THSD7A: variants seen among roughly 807,000 people sequenced by gnomAD.
THSD7A encodes thrombospondin type-1 domain-containing protein 7A.
THSD7A carries 96 observed loss-of-function variants against 231.3 expected under a neutral mutation model. The ratio of observed to expected loss-of-function variants is 0.41; its 90% CI spans 0.35 to 0.49. The LOEUF (loss-of-function observed/expected upper bound fraction) is 0.49, where lower values mean the gene tolerates loss of function less well. Ranked by LOEUF, THSD7A falls within the 20% of genes least tolerant of loss-of-function variation. The probability of loss-of-function intolerance (pLI) is 0.05; values close to 1 mark genes in which losing one functional copy is unlikely to be tolerated. For synonymous variants in THSD7A, 940 were observed against 743.3 expected (o/e 1.26, Z -4.30); for missense variants, 2,290 against 2,070.2 (o/e 1.11, Z -2.06).
intron 8 of THSD7A, among the ~76,000 whole-genome samples, chr7:11,472,522 G>T (rs78681591): frequency 0.14 from 21,186 of 152,138 alleles, 1,589 homozygotes; most frequent in Non-Finnish European, 0.18. Flanking sequence ...TCTAGAATTT[G>T]AGAGGTAAAG....
chr7:11,524,134 A>G (rs962757400), intron 6 of THSD7A, among the ~76,000 whole-genome samples: 3 of 152,118 alleles, frequency 2.0e-5, no homozygotes, highest in African/African-American at 7.2e-5. Context: ...ATGTTCTTAT[A>G]TGTTTAGTAA....
intron 1 of THSD7A, among the ~76,000 whole-genome samples, chr7:11,639,054 T>A (rs2526112): frequency 0.15 from 22,505 of 151,992 alleles, 1,792 homozygotes; most frequent in Admixed American, 0.2. Context: ...TTATTTTCCA[T>A]CTGAACACAA....
intron 6 of THSD7A, among the ~76,000 whole-genome samples, chr7:11,489,647 A>C (rs1002402805): frequency 6.6e-6 from 1 of 152,098 alleles, no homozygotes; most frequent in African/African-American, 2.4e-5. Context: ...TTGCAAACTC[A>C]GGAATAACCC....
intron 4 of THSD7A, among the ~76,000 whole-genome samples, chr7:11,567,747 C>T (rs1790424654): frequency 6.6e-6 from 1 of 152,148 alleles, no homozygotes; most frequent in Admixed American, 6.5e-5. Flanking sequence ...TGTATATGGA[C>T]CCTGTTACCT....
At chr7:11,668,509 GA>G (rs1196900683) in intron 1 of THSD7A, among the ~76,000 whole-genome samples, 3 of 137,638 alleles carry the variant, frequency 2.2e-5, no homozygotes, top group Non-Finnish European at 4.6e-5. Context: ...GAGAGAGAAA[GA>G]AAGAAAAAAA....
intron 1 of THSD7A, among the ~76,000 whole-genome samples, chr7:11,656,934 A>AT (rs1782731809): frequency 6.6e-6 from 1 of 151,850 alleles, no homozygotes. Flanking sequence ...TGAAGAGAAA[A>AT]AGATTAACTT....
At chr7:11,430,111 C>A (rs185248512) in intron 13 of THSD7A, among the ~76,000 whole-genome samples, 2 of 152,252 alleles carry the variant, frequency 1.3e-5, no homozygotes, top group East Asian at 3.9e-4. Context: ...AAACACTCTG[C>A]CTTGCCATTT....
chr7:11,711,265 C>A (rs1780953097), intron 1 of THSD7A, among the ~76,000 whole-genome samples: 1 of 150,900 alleles, frequency 6.6e-6, no homozygotes, highest in Non-Finnish European at 1.5e-5. Context: ...ATTCCATGTG[C>A]TAGGAATGAA....
chr7:11,450,762 G>A lies in THSD7A; in HGVS notation c.2606-3338C>T, dbSNP rs1020971635. On this transcript the variant is annotated intron_variant, in intron 11 of 27. Coordinates refer to ENST00000423059, the MANE Select transcript of THSD7A (RefSeq NM_015204.3). ...AGAAAATTTGTATCTGTATTTACAG[G>A]TGAAGCATGTATATGTCATATCTAA... Among the ~76,000 whole-genome samples, 14 of 151,988 alleles carry A rather than the reference G, an allele frequency of 9.2e-5. 1 individual carries two copies. The highest frequency in any genetic ancestry group is 7.9e-4 in the Admixed American group (12 of 15,214).
chr7:11,813,387 A>G (rs1393615947), intron 1 of THSD7A, among the ~76,000 whole-genome samples: 1 of 152,130 alleles, frequency 6.6e-6, no homozygotes. Context: ...ATTCACAAAA[A>G]ACATAGTATG....
At chr7:11,645,021 T>C (rs1782226226) in intron 1 of THSD7A, among the ~76,000 whole-genome samples, 1 of 152,098 alleles carries the variant, frequency 6.6e-6, no homozygotes, top group Middle Eastern at 3.4e-3. Flanking sequence ...TTGACAATTT[T>C]AAGGTTTTAA....
At chr7:11,747,261 G>A (rs9692272) in intron 1 of THSD7A, among the ~76,000 whole-genome samples, 2,468 of 151,838 alleles carry the variant, frequency 0.016, 54 homozygotes, top group African/African-American at 0.056. Flanking sequence ...TTTATTCATG[G>A]TTCTTCCTTC....
chr7:11,651,843 C>A (rs930101512), intron 1 of THSD7A, among the ~76,000 whole-genome samples: 3 of 151,878 alleles, frequency 2.0e-5, no homozygotes, highest in African/African-American at 4.8e-5. Context: ...GTGGTTGTTA[C>A]TAGAAATAAT....
chr7:11,414,800 ATC>A (rs1157886170), intron 17 of THSD7A, among the ~76,000 whole-genome samples: 3 of 152,112 alleles, frequency 2.0e-5, no homozygotes, highest in East Asian at 1.9e-4. Context: ...GAATAACACT[ATC>A]TGTTTTGACA....
intron 6 of THSD7A, among the ~76,000 whole-genome samples, chr7:11,488,316 GAATT>G (rs746650948): frequency 2.0e-5 from 3 of 151,966 alleles, no homozygotes; most frequent in Non-Finnish European, 4.4e-5. Flanking sequence ...GTTTACAAAA[GAATT>G]AAAGAGGGAA....
At chr7:11,386,127 T>A (rs1782733375) in intron 23 of THSD7A, among the ~76,000 whole-genome samples, 1 of 152,198 alleles carries the variant, frequency 6.6e-6, no homozygotes, top group African/African-American at 2.4e-5. Context: ...TGATGGGCAT[T>A]CGGGTTGGTT....
In THSD7A at chr7:11,527,449, G is replaced by A. The variant is rs577515158; in HGVS notation, c.1822+13970C>T. ...TCCCACTCCACTGTCTCTCTGTTGG[G>A]CTAACTCTGCTTTTGTAAGGACAGT... On this transcript the variant is annotated intron_variant, in intron 6 of 27. Coordinates refer to ENST00000423059, the MANE Select transcript of THSD7A (RefSeq NM_015204.3). 2.0e-5 allele frequency among the ~76,000 whole-genome samples: 3 copies of A among 152,156 alleles called. No homozygotes were observed. In the East Asian group the frequency reaches 5.8e-4, roughly 29 times the overall value.
intron 2 of THSD7A, among the ~76,000 whole-genome samples, chr7:11,614,211 C>A (rs1325110490): frequency 6.6e-6 from 1 of 152,092 alleles, no homozygotes; most frequent in East Asian, 1.9e-4. Context: ...CTGGAAAATT[C>A]TTGGTTGCCC....
At chr7:11,757,371 G>A (rs1782717561) in intron 1 of THSD7A, among the ~76,000 whole-genome samples, 2 of 151,974 alleles carry the variant, frequency 1.3e-5, no homozygotes, top group East Asian at 3.9e-4. Flanking sequence ...AACAACAAAT[G>A]TTAAGGCATT....
Sources: allele counts gnomAD v4.1 joint callset (sites outside exome capture counted in the v4.1 genomes callset), GRCh38; gene constraint gnomAD v4.1.1; transcripts MANE v1.5; gene names NCBI Gene and HGNC (gene_info 2026-07-23, HGNC 2026-07-21).